Variants in SH3GL2 observed in about 807,000 individuals in gnomAD.
SH3GL2 encodes the protein SH3 domain containing GRB2 like 2, endophilin A1, also known as endophilin-A1.
Under a neutral mutation model 46.0 loss-of-function variants are expected in SH3GL2, and 24 were observed. That is an observed-to-expected ratio of 0.52 (90% confidence interval 0.38 to 0.73). The LOEUF is 0.73. SH3GL2 is among the 30% of genes least tolerant of loss of function. SH3GL2 has a pLI of 0.00. For synonymous variants in SH3GL2, 196 were observed against 147.1 expected (o/e 1.33, Z -2.40); for missense variants, 413 against 424.2 (o/e 0.97, Z 0.23).
chr9:17,611,173 GT>G (rs917187659), intron 1 of SH3GL2, among the ~76,000 whole-genome samples: 7 of 151,972 alleles, frequency 4.6e-5, no homozygotes, highest in Admixed American at 3.3e-4. Context: ...TCGATCATTG[GT>G]TTTTTTTATT....
chr9:17,727,053 C>T (rs1481661544), intron 1 of SH3GL2, among the ~76,000 whole-genome samples: 1 of 152,032 alleles, frequency 6.6e-6, no homozygotes. Flanking sequence ...AATCATAAAA[C>T]AACCCAAATA....
chr9:17,685,661 C>T (rs1390484492), intron 1 of SH3GL2, among the ~76,000 whole-genome samples: 4 of 152,072 alleles, frequency 2.6e-5, no homozygotes. Flanking sequence ...CAGCTTTCTA[C>T]ATATGGCTAG....
intron 1 of SH3GL2, among the ~76,000 whole-genome samples, chr9:17,733,490 G>A (rs1822239232): frequency 6.6e-6 from 1 of 151,372 alleles, no homozygotes; most frequent in African/African-American, 2.4e-5. Context: ...GAGAGGATGT[G>A]GAGAAATAGG....
chr9:17,769,525 C>T (rs980167802), intron 3 of SH3GL2, among the ~76,000 whole-genome samples: 1 of 152,012 alleles, frequency 6.6e-6, no homozygotes, highest in Non-Finnish European at 1.5e-5. Context: ...GTTCCTGCCT[C>T]GGGGTCTTTG....
In SH3GL2 at chr9:17,620,051, G is replaced by A. The variant is rs1028709728; in HGVS notation, c.45+40764G>A. ...TTTTTTTAAATTGGTCAGGAAACAA[G>A]TAGTTGGAATAACTGATTTTATAAA... On this transcript the variant is annotated intron_variant, in intron 1 of 8. Transcript: ENST00000380607. Among the ~76,000 whole-genome samples, 28 of 152,130 alleles carry A rather than the reference G, an allele frequency of 1.8e-4. 1 individual carries two copies. Among genetic ancestry groups the A allele is most frequent in the Non-Finnish European group, 8.8e-5 (6 of 68,022 alleles).
chr9:17,734,759 A>T (rs1822279391), intron 1 of SH3GL2, among the ~76,000 whole-genome samples: 1 of 152,130 alleles, frequency 6.6e-6, no homozygotes, highest in Admixed American at 6.6e-5. Context: ...GTAAATCCAT[A>T]GAGACAGAAG....
At chr9:17,760,860 A>T (rs768717868) in intron 2 of SH3GL2, among the ~76,000 whole-genome samples, 4 of 152,206 alleles carry the variant, frequency 2.6e-5, no homozygotes, top group African/African-American at 9.6e-5. Context: ...CTGAAGGCAA[A>T]CACTGACCAT....
chr9:17,631,530 G>A (rs1270142153), intron 1 of SH3GL2, among the ~76,000 whole-genome samples: 1 of 152,130 alleles, frequency 6.6e-6, no homozygotes, highest in Non-Finnish European at 1.5e-5. Flanking sequence ...TCAATTTGTA[G>A]GTAAGTGGTT....
chr9:17,677,793 C>G (rs1415758590), intron 1 of SH3GL2, among the ~76,000 whole-genome samples: 1 of 151,846 alleles, frequency 6.6e-6, no homozygotes, highest in Non-Finnish European at 1.5e-5. Context: ...CCCCACCCCA[C>G]AACAGGCCCC....
At chr9:17,772,534 A>G (rs557193252) in intron 3 of SH3GL2, among the ~76,000 whole-genome samples, 8 of 152,152 alleles carry the variant, frequency 5.3e-5, no homozygotes, top group African/African-American at 1.7e-4. Context: ...CCACCATTCT[A>G]CTTTCTGGCT....
At chr9:17,605,764 A>C (rs747535562) in intron 1 of SH3GL2, among the ~76,000 whole-genome samples, 2 of 152,204 alleles carry the variant, frequency 1.3e-5, no homozygotes, top group Non-Finnish European at 2.9e-5. Context: ...GAGATTTGTC[A>C]TAGTCTATTA....
chr9:17,747,375 T>C (rs1822720987), intron 2 of SH3GL2, among the ~76,000 whole-genome samples: 1 of 152,234 alleles, frequency 6.6e-6, no homozygotes, highest in Non-Finnish European at 1.5e-5. Flanking sequence ...ATGAACTTTT[T>C]CTGGTGGGTT....
intron 1 of SH3GL2, among the ~76,000 whole-genome samples, chr9:17,650,648 C>T (rs1462988173): frequency 6.6e-6 from 1 of 152,180 alleles, no homozygotes; most frequent in Non-Finnish European, 1.5e-5. Context: ...TGAGTCACCA[C>T]GCTCGGCCTT....
chr9:17,742,762 C>T lies in SH3GL2; in HGVS notation c.46-4304C>T, dbSNP rs79669080. Among the ~76,000 whole-genome samples the T allele has an allele frequency of 4.3e-3, 659 of 152,228 alleles. 4 individuals are homozygous for T. The highest frequency in any genetic ancestry group is 0.015 in the African/African-American group (625 of 41,544). On this transcript the variant is annotated intron_variant, in intron 1 of 8. Transcript: ENST00000380607. ...AGATTAGAAGTATAAAGTCTCAATG[C>T]TGTACTAAATGGGCACCATTAAAGG...
At chr9:17,641,505 T>C (rs1012824203) in intron 1 of SH3GL2, among the ~76,000 whole-genome samples, 26 of 152,190 alleles carry the variant, frequency 1.7e-4, no homozygotes, top group Admixed American at 3.3e-4. Context: ...GTTTGTTACA[T>C]TGATATACAT....
Position 17,686,195 on chromosome 9 carries a change from T to C in SH3GL2, c.46-60871T>C, listed in dbSNP as rs376737463. Among the ~76,000 whole-genome samples the C allele has an allele frequency of 8.0e-5, 10 of 124,666 alleles. No homozygotes were observed. In the East Asian group the frequency reaches 1.8e-3, roughly 22 times the overall value. The allele number at this position is 124,666 out of a possible 152,430, so 81.8% of individuals were successfully genotyped here. On this transcript the variant is annotated intron_variant, in intron 1 of 8. Coordinates refer to ENST00000380607, the MANE Select transcript of SH3GL2 (RefSeq NM_003026.5). ...CAAAAAACACATGAAAAAATGCTCA[T>C]CATCACTGGCCATCAGAGAAATGCA...
At chr9:17,674,708 G>T (rs181301836) in intron 1 of SH3GL2, among the ~76,000 whole-genome samples, 115 of 152,244 alleles carry the variant, frequency 7.6e-4, no homozygotes, top group Non-Finnish European at 7.4e-5. Context: ...AAGGTAGAAG[G>T]TCTAGAATGA....
At chr9:17,611,750 C>T (rs943100383) in intron 1 of SH3GL2, among the ~76,000 whole-genome samples, 4 of 152,202 alleles carry the variant, frequency 2.6e-5, no homozygotes, top group South Asian at 2.1e-4. Flanking sequence ...TACACCCCGT[C>T]AGGAGGAGAT....
At chr9:17,760,709 C>T (rs1017951079) in intron 2 of SH3GL2, among the ~76,000 whole-genome samples, 18 of 152,206 alleles carry the variant, frequency 1.2e-4, no homozygotes, top group African/African-American at 4.3e-4. Context: ...TAGTCATTTA[C>T]CATGTAGGGC....
Sources: allele counts gnomAD v4.1 joint callset (sites outside exome capture counted in the v4.1 genomes callset), GRCh38; gene constraint gnomAD v4.1.1; transcripts MANE v1.5; gene names NCBI Gene and HGNC (gene_info 2026-07-23, HGNC 2026-07-21).